The following MSANTD4 variants were observed in gnomAD, a reference collection of about 807,000 sequenced individuals.
MSANTD4 encodes Myb/SANT DNA binding domain containing 4 with coiled-coils.
A neutral mutation model predicts 34.3 loss-of-function variants in MSANTD4; 13 were observed. The observed-to-expected ratio is 0.38, with a 90% CI of 0.25 to 0.60. The LOEUF (loss-of-function observed/expected upper bound fraction) is 0.60, where lower values mean the gene tolerates loss of function less well. MSANTD4 is among the 20% of genes least tolerant of loss of function. MSANTD4 has a pLI of 0.63. For synonymous variants in MSANTD4, 137 were observed against 145.2 expected, an observed-to-expected ratio of 0.94 and a Z score of 0.41; for missense variants, 358 against 401.8, an observed-to-expected ratio of 0.89 and a Z score of 0.93.
At chr11:106,018,450 C>A (rs1229396427) in intron 1 of MSANTD4, among the ~76,000 whole-genome samples, 1 of 152,112 alleles carries the variant, frequency 6.6e-6, no homozygotes, top group Non-Finnish European at 1.5e-5. Context: ...TTAAAACAAT[C>A]TTTGGAATGG....
chr11:106,021,096 C>T lies in MSANTD4; in HGVS notation c.-285G>A, dbSNP rs970599954. ...ATTTCCTCAAAAAATACTTACTGAG[C>T]TCCTACTGTGTGAAAGGCACTATTT... On this transcript the variant is annotated 5_prime_UTR_variant, in exon 1 of 3. Transcript: ENST00000301919. The T allele has an allele frequency of 2.0e-5, 3 of 152,208 alleles. No homozygotes were observed. Among genetic ancestry groups the T allele is most frequent in the Admixed American group, 6.5e-5 (1 of 15,286 alleles). The allele number at this position is 152,208 out of a possible 1,614,324, so 9.4% of individuals were successfully genotyped here.
intron 1 of MSANTD4, 96 bp from the exon 2 acceptor site, chr11:106,011,163 C>A: frequency 1.8e-6 from 1 of 541,930 alleles, no homozygotes; most frequent in Non-Finnish European, 3.0e-6. Context: ...AAACAAAAAA[C>A]AACCCTCTAA....
At position 106,009,139 on chromosome 11, in the gene MSANTD4, T is replaced by C. The variant is rs1213069589; in HGVS notation, c.*396A>G. ...TGTTGAGGAGGTATGCATTGCACAG[T>C]AGCAACCTTTTCCCCACCCCAGTTT... On this transcript the variant is annotated 3_prime_UTR_variant, in exon 3 of 3. Coordinates refer to ENST00000301919, the MANE Select transcript of MSANTD4 (RefSeq NM_032424.3). The C allele has an allele frequency of 5.9e-6, 1 of 169,802 alleles. No individual in the cohort carries two copies. Among genetic ancestry groups the C allele is most frequent in the Admixed American group, 5.6e-5 (1 of 17,812 alleles). The allele number at this position is 169,802 out of a possible 1,614,324, so 10.5% of individuals were successfully genotyped here.
intron 1 of MSANTD4, among the ~76,000 whole-genome samples, chr11:106,012,144 C>CAAA (rs56408049): frequency 2.1e-5 from 3 of 141,510 alleles, no homozygotes; most frequent in African/African-American, 7.9e-5. Flanking sequence ...AAAAGATAAC[C>CAAA]AAAAAAAAAA....
At chr11:106,011,150 G>A in intron 1 of MSANTD4, 83 bp from the exon 2 acceptor site, 1 of 630,982 alleles carries the variant, frequency 1.6e-6, no homozygotes, top group African/African-American at 1.9e-5. Flanking sequence ...TAATTTTTAA[G>A]AGAAACAAAA....
intron 1 of MSANTD4, among the ~76,000 whole-genome samples, chr11:106,020,526 C>T (rs187419427): frequency 3.3e-5 from 5 of 152,226 alleles, no homozygotes; most frequent in African/African-American, 4.8e-5. Flanking sequence ...CAGATATCCA[C>T]CGTAAGATTT....
In MSANTD4 at chr11:106,009,766, G is replaced by A. The variant is rs746860915; in HGVS notation, c.807C>T (p.Val269=). The part of the protein sequence containing the change: ...IEREKLRLQI[V]NSEKPSLENE... ...TTTCCAAGGACGGTTTCTCTGAATT[G>A]ACTATCTGTAACCTCAACTTTTCTC... The change falls in exon 3 of 3, where the codon GTC becomes GTT. Residue 269 remains valine, a synonymous_variant. Transcript: ENST00000301919. 1.2e-6 allele frequency: 2 copies of A among 1,614,178 alleles called. No homozygotes were observed. Among genetic ancestry groups the A allele is most frequent in the South Asian group, 2.2e-5 (2 of 91,080 alleles).
intron 1 of MSANTD4, among the ~76,000 whole-genome samples, chr11:106,014,599 T>TA (rs1859792329): frequency 6.6e-6 from 1 of 152,248 alleles, no homozygotes; most frequent in Non-Finnish European, 1.5e-5. Flanking sequence ...TTTTCTATCA[T>TA]CTTTTCTCTT....
At position 106,009,880 on chromosome 11, in the gene MSANTD4, T is replaced by C. The variant is rs148104888; in HGVS notation, c.693A>G (p.Glu231=). The part of the protein sequence containing the change: ...IEAERLQVEK[E]RLQIEKERLR... Reference sequence around the variant, plus strand: ...GCCTCTCTTTCTCGATTTGTAGGCGTTCCTTTTCTACCTGCAGCCTTTCGG... The same window carrying C: ...GCCTCTCTTTCTCGATTTGTAGGCGCTCCTTTTCTACCTGCAGCCTTTCGG... Residue 231 remains glutamate (E), a synonymous_variant, in exon 3 of 3, where the codon GAA becomes GAG. Transcript: ENST00000301919. The C allele has an allele frequency of 7.1e-5, 115 of 1,613,624 alleles. No homozygotes were observed. Among genetic ancestry groups the C allele is most frequent in the Non-Finnish European group, 3.6e-5 (43 of 1,179,900 alleles).
rs531954360 is a variant in MSANTD4 at position 106,010,800 on chromosome 11, T to C, written c.118A>G (p.Ile40Val). ...VIFSKQLNTT[I>V]NVMKRMAWEE... ...CAAGCCATTCGCTTCATCACATTAA[T>C]TGTTGTATTGAGCTGCTTGGAAAAA... is the stretch of plus-strand genomic sequence containing the variant. Residue 40 changes from isoleucine (I) to valine (V), a missense_variant, in exon 2 of 3, where the codon ATT (isoleucine) becomes GTT (valine). By Grantham distance (29) the Ile-to-Val change is conservative. Transcript: ENST00000301919. 3.1e-6 allele frequency: 5 copies of C among 1,614,202 alleles called. No homozygotes were observed. The highest frequency in any genetic ancestry group is 1.7e-5 in the Admixed American group (1 of 60,022).
chr11:106,009,297 A>C lies in MSANTD4; in HGVS notation c.*238T>G. On this transcript the variant is annotated 3_prime_UTR_variant, in exon 3 of 3. Coordinates refer to ENST00000301919, the MANE Select transcript of MSANTD4 (RefSeq NM_032424.3). Reference sequence around the variant, plus strand: ...ACTCTGGGTACACAGACAATACAAGACTCTATGTAATATTATAAGGTAAAG... The same window carrying C: ...ACTCTGGGTACACAGACAATACAAGCCTCTATGTAATATTATAAGGTAAAG... 1 of 426,488 alleles carries C rather than the reference A, an allele frequency of 2.3e-6. No individual in the cohort carries two copies. The allele number at this position is 426,488 out of a possible 1,614,324, so 26.4% of individuals were successfully genotyped here.
intron 1 of MSANTD4, among the ~76,000 whole-genome samples, chr11:106,014,601 T>C (rs1489915312): frequency 6.6e-6 from 1 of 152,220 alleles, no homozygotes; most frequent in Admixed American, 6.5e-5. Context: ...TTCTATCATC[T>C]TTTCTCTTTT....
intron 1 of MSANTD4, among the ~76,000 whole-genome samples, chr11:106,012,575 C>T (rs997962675): frequency 2.0e-5 from 3 of 152,116 alleles, no homozygotes; most frequent in African/African-American, 4.8e-5. Context: ...CTTTTAGATA[C>T]GAGACAATGT....
At chr11:106,016,673 GAAAAC>G (rs1293419150) in intron 1 of MSANTD4, among the ~76,000 whole-genome samples, 1 of 152,188 alleles carries the variant, frequency 6.6e-6, no homozygotes, top group East Asian at 1.9e-4. Context: ...ATGCTTATAA[GAAAAC>G]AGAAGCAAGT....
rs1860045000 is a variant in MSANTD4 at position 106,021,746 on chromosome 11, C to G, written c.-935G>C. 1 of 152,200 alleles carries G rather than the reference C, an allele frequency of 6.6e-6. No homozygotes were observed. The highest frequency in any genetic ancestry group is 2.1e-4 in the South Asian group (1 of 4,824). The allele number at this position is 152,200 out of a possible 1,614,324, so 9.4% of individuals were successfully genotyped here. On this transcript the variant is annotated 5_prime_UTR_variant, in exon 1 of 3. Transcript: ENST00000301919. Reference sequence around the variant, plus strand: ...GTATCTTTCACCTCCCTCCCGCTGCCTCCTTTGGGACCGTCCAAAAAGAGC... The same window carrying G: ...GTATCTTTCACCTCCCTCCCGCTGCGTCCTTTGGGACCGTCCAAAAAGAGC...
chr11:106,020,503 G>A (rs1860000956), intron 1 of MSANTD4, among the ~76,000 whole-genome samples: 1 of 152,168 alleles, frequency 6.6e-6, no homozygotes, highest in African/African-American at 2.4e-5. Flanking sequence ...GTTGTCGAGA[G>A]TCCAAATTTA....
chr11:106,012,317 C>T (rs1229423936), intron 1 of MSANTD4, among the ~76,000 whole-genome samples: 2 of 152,112 alleles, frequency 1.3e-5, no homozygotes, highest in Non-Finnish European at 2.9e-5. Context: ...ACAAAAGCCC[C>T]TAACATCAAA....
Position 106,009,622 on chromosome 11 carries a change from A to G in MSANTD4, c.951T>C (p.Phe317=). 6.2e-7 allele frequency: 1 copy of G among 1,614,174 alleles called. No individual in the cohort carries two copies. The highest frequency in any genetic ancestry group is 8.5e-7 in the Non-Finnish European group (1 of 1,180,036). ...TTTCAATCTGCAGCTTCTCAGATTC[A>G]AACTTCAAAAACTGCAGCCTATCCT... ...LEKDRLQFLK[F]ESEKLQIEKE... Residue 317 remains phenylalanine, a synonymous_variant, in exon 3 of 3, where the codon TTT becomes TTC. Coordinates refer to ENST00000301919, the MANE Select transcript of MSANTD4 (RefSeq NM_032424.3).
chr11:106,016,651 C>T (rs1286065573), intron 1 of MSANTD4, among the ~76,000 whole-genome samples: 1 of 152,234 alleles, frequency 6.6e-6, no homozygotes, highest in Middle Eastern at 3.4e-3. Flanking sequence ...TTTCCATAGG[C>T]ACACAAAGCA....
Sources: gnomAD v4.1 joint callset for allele counts (sites outside exome capture counted in the v4.1 genomes callset) on GRCh38, gnomAD v4.1.1 for gene constraint, MANE v1.5 for transcripts, NCBI Gene and HGNC (gene_info 2026-07-23, HGNC 2026-07-21) for gene names.